Variants in LUZP2 observed in about 807,000 individuals in gnomAD.
The protein encoded by LUZP2 is leucine zipper protein 2.
In LUZP2, 52 loss-of-function variants were observed where a neutral mutation model predicts 51.6. The observed-to-expected ratio is 1.01, with a 90% CI of 0.81 to 1.27. The LOEUF is 1.27. Ranked by LOEUF, LUZP2 falls within the 50% of genes most tolerant of loss-of-function variation. The pLI is 0.00. For missense variants in LUZP2, 436 were observed against 395.4 expected (o/e 1.10, Z -0.87); for synonymous variants, 154 against 137.3 (o/e 1.12, Z -0.85).
chr11:24,875,266 C>T (rs1019654869), intron 5 of LUZP2, among the ~76,000 whole-genome samples: 2 of 146,118 alleles, frequency 1.4e-5, no homozygotes, highest in African/African-American at 5.1e-5. Context: ...CCTCACCCCA[C>T]AACAGTCCCC....
chr11:24,569,838 A>T (rs1335131676), intron 1 of LUZP2, among the ~76,000 whole-genome samples: 2 of 151,754 alleles, frequency 1.3e-5, no homozygotes, highest in Non-Finnish European at 2.9e-5. Flanking sequence ...AATCTGTATA[A>T]ATAATCACTT....
At position 25,079,545 on chromosome 11, in the gene LUZP2, A is replaced by G. The variant is rs546125352; in HGVS notation, c.*887A>G. On this transcript the variant is annotated 3_prime_UTR_variant, in exon 12 of 12. Transcript: ENST00000336930. ...ATGTTGATTCAATAAACCCAGATGCATATTTTTTGAAAACCAATGTGTTAT... is the reference window on the plus strand; with the variant it reads ...ATGTTGATTCAATAAACCCAGATGCGTATTTTTTGAAAACCAATGTGTTAT... The G allele has an allele frequency of 1.1e-4, 17 of 152,182 alleles. No homozygotes were observed. Among genetic ancestry groups the G allele is most frequent in the Non-Finnish European group, 1.9e-4 (13 of 67,992 alleles). The allele number at this position is 152,182 out of a possible 1,614,324, so 9.4% of individuals were successfully genotyped here.
chr11:24,967,410 C>A (rs1185180006), intron 7 of LUZP2, among the ~76,000 whole-genome samples: 1 of 151,900 alleles, frequency 6.6e-6, no homozygotes, highest in Non-Finnish European at 1.5e-5. Flanking sequence ...TAATTTTCAA[C>A]ACAAATGTTT....
intron 5 of LUZP2, among the ~76,000 whole-genome samples, chr11:24,867,335 T>C (rs1851931005): frequency 6.6e-6 from 1 of 152,192 alleles, no homozygotes; most frequent in South Asian, 2.1e-4. Flanking sequence ...AATTTTGCTA[T>C]GTTGTTCCTT....
At position 25,035,397 on chromosome 11, in the gene LUZP2, A is replaced by G. The variant is rs183610628; in HGVS notation, c.766-14641A>G. On this transcript the variant is annotated intron_variant, in intron 9 of 11. Transcript: ENST00000336930. ...GCATTTCTACACATCAACAATGTCC[A>G]GGCTGAGAGTAAAATCAAGAATACA... Among the ~76,000 whole-genome samples, 492 of 152,242 alleles carry G rather than the reference A, an allele frequency of 3.2e-3. 2 individuals are homozygous for G. The highest frequency in any genetic ancestry group is 0.011 in the African/African-American group (468 of 41,572).
chr11:24,957,512 A>T (rs1855244027), intron 7 of LUZP2, among the ~76,000 whole-genome samples: 1 of 151,910 alleles, frequency 6.6e-6, no homozygotes, highest in Non-Finnish European at 1.5e-5. Flanking sequence ...CATCCCCTCG[A>T]TGCTTCCCAG....
At chr11:24,632,002 A>G (rs1274538410) in intron 1 of LUZP2, among the ~76,000 whole-genome samples, 10 of 152,070 alleles carry the variant, frequency 6.6e-5, no homozygotes, top group Admixed American at 5.9e-4. Flanking sequence ...GTGACCCACA[A>G]TCAAAATGTA....
rs545746698 is a variant in LUZP2, at chr11:24,505,560, C to T, written c.62+8255C>T. On this transcript the variant is annotated intron_variant, in intron 1 of 11. Transcript: ENST00000336930. ...TCTACATTATCTAATTAAAATTTTA[C>T]CCTACCAGATTGTACATGCATTTCA... Among the ~76,000 whole-genome samples the T allele has an allele frequency of 4.6e-5, 7 of 152,190 alleles. No homozygotes were observed. In the South Asian group the frequency reaches 1.4e-3, roughly 31 times the overall value.
intron 7 of LUZP2, among the ~76,000 whole-genome samples, chr11:24,946,626 A>G (rs770130095): frequency 1.3e-5 from 2 of 151,520 alleles, no homozygotes; most frequent in Admixed American, 6.6e-5. Flanking sequence ...CTTTGCCCCA[A>G]CCCTTCTTTT....
chr11:24,715,598 T>C (rs1394975751), intron 1 of LUZP2, among the ~76,000 whole-genome samples: 2 of 152,168 alleles, frequency 1.3e-5, no homozygotes, highest in African/African-American at 4.8e-5. Flanking sequence ...CCCTTTACGA[T>C]ATTTAATCAT....
intron 5 of LUZP2, among the ~76,000 whole-genome samples, chr11:24,835,243 A>T (rs1032080394): frequency 1.3e-4 from 20 of 152,184 alleles, no homozygotes; most frequent in Admixed American, 1.2e-3. Context: ...TACTGAGAAA[A>T]CTAGCCAGCC....
At chr11:25,059,329 T>C (rs1250201572) in intron 10 of LUZP2, among the ~76,000 whole-genome samples, 3 of 152,194 alleles carry the variant, frequency 2.0e-5, no homozygotes, top group Non-Finnish European at 4.4e-5. Flanking sequence ...TCTGCTTTAA[T>C]TCTTGAAGTT....
At chr11:25,005,421 T>A (rs551308591) in intron 9 of LUZP2, among the ~76,000 whole-genome samples, 122 of 152,270 alleles carry the variant, frequency 8.0e-4, no homozygotes, top group African/African-American at 2.8e-3. Context: ...AGTTTTGTAA[T>A]TTATATTTCC....
At chr11:24,631,234 G>A (rs1466055529) in intron 1 of LUZP2, among the ~76,000 whole-genome samples, 1 of 151,660 alleles carries the variant, frequency 6.6e-6, no homozygotes, top group East Asian at 1.9e-4. Flanking sequence ...TGTTGAAAAT[G>A]AGTGGTGAAA....
intron 7 of LUZP2, among the ~76,000 whole-genome samples, chr11:24,923,207 T>C (rs902844100): frequency 6.6e-6 from 1 of 152,140 alleles, no homozygotes; most frequent in Non-Finnish European, 1.5e-5. Context: ...TTTCCTAGCT[T>C]AATTTCTACT....
rs201683369 is a variant in LUZP2 at position 24,906,064 on chromosome 11, T to G, written c.459+11T>G. ...ATTCACGCAGAAGAGGTGAGTAAAT[T>G]TTTGCTTCTTCTAGCTTTAACCAGA... On this transcript the variant is annotated intron_variant, in intron 6 of 11. Coordinates refer to ENST00000336930, the MANE Select transcript of LUZP2 (RefSeq NM_001009909.4). 1.2e-6 allele frequency: 2 copies of G among 1,609,188 alleles called. No individual in the cohort carries two copies. Among genetic ancestry groups the G allele is most frequent in the Admixed American group, 1.7e-5 (1 of 59,914 alleles).
At chr11:24,511,875 C>T (rs546942481) in intron 1 of LUZP2, among the ~76,000 whole-genome samples, 5 of 152,232 alleles carry the variant, frequency 3.3e-5, no homozygotes, top group South Asian at 2.1e-4. Flanking sequence ...TAAGTCTTAG[C>T]GAAGTGTCTC....
chr11:24,576,335 C>G (rs1021324684), intron 1 of LUZP2, among the ~76,000 whole-genome samples: 1 of 145,606 alleles, frequency 6.9e-6, no homozygotes, highest in African/African-American at 2.5e-5. Context: ...ATCACTTGAA[C>G]CCAGGAGGTG....
rs544606581 is a variant in LUZP2 at position 24,676,811 on chromosome 11, T to C, written c.63-52358T>C. On this transcript the variant is annotated intron_variant, in intron 1 of 11. Transcript: ENST00000336930. ...CCCAAGTAGCTGAGACTACAGTCAC[T>C]CACCATCATGTCTGGCTAATGTTTT... Among the ~76,000 whole-genome samples the C allele has an allele frequency of 1.4e-4, 21 of 152,070 alleles. No homozygotes were observed. In the East Asian group the frequency reaches 2.9e-3, roughly 21 times the overall value.
Sources: allele counts gnomAD v4.1 joint callset (sites outside exome capture counted in the v4.1 genomes callset), GRCh38; gene constraint gnomAD v4.1.1; transcripts MANE v1.5; gene names NCBI Gene and HGNC (gene_info 2026-07-23, HGNC 2026-07-21).